AJAP1: variants seen among roughly 807,000 people sequenced by gnomAD.
AJAP1 encodes the protein adherens junction-associated protein 1.
AJAP1 carries 5 observed loss-of-function variants against 35.0 expected under a neutral mutation model. That is an observed-to-expected ratio of 0.14 (90% CI 0.07 to 0.30). The LOEUF (loss-of-function observed/expected upper bound fraction) is 0.30. Ranked by LOEUF, AJAP1 falls within the 10% of genes least tolerant of loss-of-function variation. The pLI, the probability that AJAP1 is intolerant of heterozygous loss-of-function variation, is 1.00. For synonymous variants in AJAP1, 284 were observed against 249.3 expected (o/e 1.14, Z -1.31); for missense variants, 586 against 571.0 (o/e 1.03, Z -0.27).
At chr1:4,716,643 G>A (rs958140278) in intron 2 of AJAP1, among the ~76,000 whole-genome samples, 3 of 151,834 alleles carry the variant, frequency 2.0e-5, no homozygotes, top group Non-Finnish European at 4.4e-5. Flanking sequence ...TGATGATGAT[G>A]GTGTTGATGA....
chr1:4,701,922 C>T lies in AJAP1; in HGVS notation c.30-9978C>T, dbSNP rs1639997214. Among the ~76,000 whole-genome samples the T allele has an allele frequency of 4.6e-5, 7 of 152,236 alleles. No homozygotes were observed. In the South Asian group the frequency reaches 1.2e-3, roughly 27 times the overall value. ...GCACAGCCACCTTCACCTCCCTTCC[C>T]TTTCCTCCCCCAACACCCCGCCATG... is the stretch of plus-strand genomic sequence containing the variant. On this transcript the variant is annotated intron_variant, in intron 1 of 5. Coordinates refer to ENST00000378191, the MANE Select transcript of AJAP1 (RefSeq NM_018836.4).
intron 1 of AJAP1, among the ~76,000 whole-genome samples, chr1:4,661,259 G>C (rs1391603845): frequency 6.6e-6 from 1 of 152,220 alleles, no homozygotes; most frequent in Admixed American, 6.5e-5. Context: ...TTCACATCCA[G>C]ATGGGAGGTG....
chr1:4,656,772 G>C lies in AJAP1; in HGVS notation c.29+1318G>C, dbSNP rs1638891742. On this transcript the variant is annotated intron_variant, in intron 1 of 5. Transcript: ENST00000378191. This position sits in a 1 kb window ranked among gnomAD's most constrained non-coding sequence, Gnocchi z 5.7. ...GCCGATCTTGCTGTGGGCTTCAAAGGTTAATCATGGAGCCGATTGTGTTGG... is the reference window on the plus strand; with the variant it reads ...GCCGATCTTGCTGTGGGCTTCAAAGCTTAATCATGGAGCCGATTGTGTTGG... Among the ~76,000 whole-genome samples, 1 of 152,222 alleles carries C rather than the reference G, an allele frequency of 6.6e-6. No individual in the cohort carries two copies. Among genetic ancestry groups the C allele is most frequent in the Admixed American group, 6.5e-5 (1 of 15,290 alleles).
intron 1 of AJAP1, among the ~76,000 whole-genome samples, chr1:4,710,140 A>C (rs1051236064): frequency 6.9e-6 from 1 of 145,288 alleles, no homozygotes; most frequent in Non-Finnish European, 1.5e-5. Context: ...AGTTGCACAC[A>C]CAAATACACA....
At chr1:4,701,805 G>C (rs551873289) in intron 1 of AJAP1, among the ~76,000 whole-genome samples, 1 of 152,152 alleles carries the variant, frequency 6.6e-6, no homozygotes, top group Non-Finnish European at 1.5e-5. Context: ...CGTGGTTCAC[G>C]GAGGCCTGAT....
At chr1:4,767,275 T>G (rs1641704113) in intron 2 of AJAP1, among the ~76,000 whole-genome samples, 1 of 151,584 alleles carries the variant, frequency 6.6e-6, no homozygotes. Context: ...TCAACATCAG[T>G]ATCACCATCA....
intron 1 of AJAP1, among the ~76,000 whole-genome samples, chr1:4,710,416 C>T (rs1376692741): frequency 6.6e-6 from 1 of 152,184 alleles, no homozygotes; most frequent in African/African-American, 2.4e-5. Flanking sequence ...GGCACACTCA[C>T]ACAGCTTGAC....
In AJAP1 at chr1:4,784,212, G is replaced by C. The variant is rs1481422856; in HGVS notation, c.*1727G>C. ...CTCCCTCACAAGCCTCACCTGAAAC[G>C]GGCTCACTGGTGCCCCAGACTTGCT... On this transcript the variant is annotated 3_prime_UTR_variant, in exon 6 of 6. Transcript: ENST00000378191. 3 of 152,316 alleles carry C rather than the reference G, an allele frequency of 2.0e-5. No individual in the cohort carries two copies. In the East Asian group the frequency reaches 5.8e-4, roughly 29 times the overall value. 9.4% of individuals were successfully genotyped at this position (152,316 alleles called of 1,614,324 possible).
At chr1:4,707,301 A>G (rs1356323883) in intron 1 of AJAP1, among the ~76,000 whole-genome samples, 8 of 152,032 alleles carry the variant, frequency 5.3e-5, no homozygotes, top group Non-Finnish European at 1.2e-4. Context: ...ATTGCACAAA[A>G]CTCACCTATT....
intron 2 of AJAP1, among the ~76,000 whole-genome samples, chr1:4,725,594 C>T (rs539785974): frequency 1.1e-4 from 16 of 152,242 alleles, no homozygotes; most frequent in South Asian, 2.1e-4. Context: ...TCCTTGGTGG[C>T]GGGAGTTGCT....
chr1:4,712,272 C>G lies in AJAP1; in HGVS notation c.402C>G (p.Ser134=), dbSNP rs1640270564. 1 of 1,511,060 alleles carries G rather than the reference C, an allele frequency of 6.6e-7. No individual in the cohort carries two copies. The highest frequency in any genetic ancestry group is 2.2e-5 in the Admixed American group (1 of 45,456). The allele number at this position is 1,511,060 out of a possible 1,614,324, so 93.6% of individuals were successfully genotyped here. Residue 134 remains serine, a synonymous_variant, in exon 2 of 6, where the codon TCC becomes TCG. Transcript: ENST00000378191. ...AKSSPSLASS[S]SSSSSAVAGG... ...CCAGCCCTTCCCTCGCCTCTTCGTC[C>G]TCGTCCTCGTCCTCCGCGGTGGCCG...
intron 2 of AJAP1, among the ~76,000 whole-genome samples, chr1:4,767,682 TCATCAC>T (rs1641717895): frequency 6.6e-6 from 1 of 152,142 alleles, no homozygotes; most frequent in African/African-American, 2.4e-5. Flanking sequence ...ATCACCATCA[TCATCAC>T]CATCACCATC....
chr1:4,784,713 A>G lies in AJAP1; in HGVS notation c.*2228A>G, dbSNP rs1642132313. ...GTTGTTCTTTAGTTTTTGTTCTGTC[A>G]TTTATTTTCCCCCCAAGCTTTGGCA... On this transcript the variant is annotated 3_prime_UTR_variant, in exon 6 of 6. Transcript: ENST00000378191. The G allele has an allele frequency of 6.6e-6, 1 of 152,204 alleles. No homozygotes were observed. Among genetic ancestry groups the G allele is most frequent in the Non-Finnish European group, 1.5e-5 (1 of 68,062 alleles). The allele number at this position is 152,204 out of a possible 1,614,324, so 9.4% of individuals were successfully genotyped here. A position where few individuals can be genotyped will look rare whatever the true frequency, so the allele number is the denominator to read the frequency against.
intron 1 of AJAP1, among the ~76,000 whole-genome samples, chr1:4,690,385 G>A (rs916100912): frequency 6.6e-6 from 1 of 152,154 alleles, no homozygotes; most frequent in Non-Finnish European, 1.5e-5. Context: ...TTGTTTCAAG[G>A]ATGGGAGCCC....
At chr1:4,768,491 T>A (rs1012649540) in intron 2 of AJAP1, among the ~76,000 whole-genome samples, 6 of 152,192 alleles carry the variant, frequency 3.9e-5, no homozygotes, top group African/African-American at 1.4e-4. Context: ...AGAGGTAACA[T>A]CTGTTTAAGA....
At chr1:4,762,300 G>T (rs1174277840) in intron 2 of AJAP1, among the ~76,000 whole-genome samples, 1 of 152,210 alleles carries the variant, frequency 6.6e-6, no homozygotes, top group Non-Finnish European at 1.5e-5. Context: ...ATGTCCTCAG[G>T]AATGTCCTGC....
chr1:4,761,478 C>T (rs1283110329), intron 2 of AJAP1, among the ~76,000 whole-genome samples: 2 of 152,244 alleles, frequency 1.3e-5, no homozygotes, highest in African/African-American at 2.4e-5. Flanking sequence ...CTGGAGCCCA[C>T]AGCCAGACAG....
At position 4,774,693 on chromosome 1, in the gene AJAP1, GA is replaced by G. The variant is rs1641907917; in HGVS notation, c.*59+137del. ...GGATTTCCAATGGCATCACTTCTCTGAACATGAGCCGGCGGGGGGGGCTGGG... is the reference window on the plus strand; with the variant it reads ...GGATTTCCAATGGCATCACTTCTCTGACATGAGCCGGCGGGGGGGGCTGGG... On this transcript the variant is annotated intron_variant, in intron 5 of 5. Transcript: ENST00000378191. 3 of 589,722 alleles carry G rather than the reference GA, an allele frequency of 5.1e-6. No individual in the cohort carries two copies. The South Asian group carries it at 6.1e-5, about 12-fold the overall frequency. 36.5% of individuals were successfully genotyped at this position (589,722 alleles called of 1,614,324 possible). A position where few individuals can be genotyped will look rare whatever the true frequency, so the allele number is the denominator to read the frequency against.
intron 2 of AJAP1, among the ~76,000 whole-genome samples, chr1:4,766,553 C>G (rs1375740790): frequency 1.3e-5 from 2 of 152,188 alleles, no homozygotes; most frequent in Non-Finnish European, 2.9e-5. Context: ...AAGTCCCAGT[C>G]CTTGTCCAAC....
Sources: gnomAD v4.1 joint callset for allele counts (sites outside exome capture counted in the v4.1 genomes callset) on GRCh38, gnomAD v4.1.1 for gene constraint, Gnocchi (gnomAD v3.1) non-coding constraint, MANE v1.5 for transcripts, NCBI Gene and HGNC (gene_info 2026-07-23, HGNC 2026-07-21) for gene names.